TENT4A: variants seen among roughly 807,000 people sequenced by gnomAD.
TENT4A encodes terminal nucleotidyltransferase 4A.
In TENT4A, 7 loss-of-function variants were observed where a neutral mutation model predicts 72.8. The observed-to-expected ratio is 0.10, with a 90% CI of 0.05 to 0.18. TENT4A has a LOEUF of 0.18. Among genes scored for constraint, TENT4A ranks in the 10% least tolerant of loss-of-function variants. The pLI, the probability that TENT4A is intolerant of heterozygous loss-of-function variation, is 1.00. For missense variants in TENT4A, 831 were observed against 1,017.7 expected, an observed-to-expected ratio of 0.82 and a Z score of 2.50; for synonymous variants, 456 against 434.3, an observed-to-expected ratio of 1.05 and a Z score of -0.62.
intron 1 of TENT4A, among the ~76,000 whole-genome samples, chr5:6,726,160 T>C (rs1465091258): frequency 6.6e-6 from 1 of 152,196 alleles, no homozygotes; most frequent in Non-Finnish European, 1.5e-5. Flanking sequence ...GGCCAGGCCC[T>C]GTGCTAAGCA....
chr5:6,752,761 A>G (rs887707077), intron 11 of TENT4A, 112 bp from the exon 12 acceptor site: 2 of 832,786 alleles, frequency 2.4e-6, no homozygotes, highest in African/African-American at 3.4e-5. Flanking sequence ...TATGGAGCCC[A>G]CATGCAACTG....
intron 6 of TENT4A, among the ~76,000 whole-genome samples, chr5:6,744,747 C>CA (rs1741994250): frequency 1.3e-5 from 2 of 152,232 alleles, no homozygotes; most frequent in African/African-American, 4.8e-5. Context: ...GTCCTGTCTT[C>CA]ACTTTCCCCT....
chr5:6,714,861 C>T lies in TENT4A; in HGVS notation c.716+162C>T, dbSNP rs751442126. ...CACTGAAAGTTTTTTTTTTAAACAT[C>T]AGACTCATTTATCGTGGAGTGACTT... On this transcript the variant is annotated intron_variant, in intron 1 of 12. Transcript: ENST00000230859. The T allele has an allele frequency of 7.7e-5, 24 of 309,912 alleles. No homozygotes were observed. The South Asian group carries it at 7.9e-4, about 10-fold the overall frequency. The allele number at this position is 309,912 out of a possible 1,614,324, so 19.2% of individuals were successfully genotyped here.
chr5:6,744,310 A>T (rs1469658175), intron 6 of TENT4A, among the ~76,000 whole-genome samples: 1 of 152,266 alleles, frequency 6.6e-6, no homozygotes, highest in Admixed American at 6.5e-5. Context: ...TTGCTGAGTA[A>T]CATGGAAAAT....
rs530961105 is a variant in TENT4A, at chr5:6,715,365, C to G, written c.716+666C>G. On this transcript the variant is annotated intron_variant, in intron 1 of 12. Coordinates refer to ENST00000230859, the MANE Select transcript of TENT4A (RefSeq NM_006999.6). ...ATCCGCCTAGAGGGAATTAGAGGCTCTACTTAAATTTAGTGCACTTACAGA... is the reference window on the plus strand; with the variant it reads ...ATCCGCCTAGAGGGAATTAGAGGCTGTACTTAAATTTAGTGCACTTACAGA... Among the ~76,000 whole-genome samples the G allele has an allele frequency of 3.3e-5, 5 of 152,312 alleles. 1 individual carries two copies. Among genetic ancestry groups the G allele is most frequent in the African/African-American group, 9.6e-5 (4 of 41,564 alleles).
rs762912019 is a variant in TENT4A at position 6,754,816 on chromosome 5, C to T, written c.2250C>T (p.Ser750=). 2.4e-5 allele frequency: 39 copies of T among 1,607,140 alleles called. No homozygotes were observed. Among genetic ancestry groups the T allele is most frequent in the Non-Finnish European group, 3.3e-5 (39 of 1,174,802 alleles). Residue 750 remains serine (S), a synonymous_variant, in exon 13 of 13, where the codon AGC becomes AGT. Transcript: ENST00000230859. ...SHGHTQGGGY[S]SVGSGGVRPP... Reference sequence around the variant, plus strand: ...GCCACACCCAAGGCGGCGGCTACAGCTCTGTGGGTAGCGGAGGTGTGCGGC... The same window carrying T: ...GCCACACCCAAGGCGGCGGCTACAGTTCTGTGGGTAGCGGAGGTGTGCGGC...
At chr5:6,743,300 C>T (rs560536033) in intron 5 of TENT4A, among the ~76,000 whole-genome samples, 1 of 152,294 alleles carries the variant, frequency 6.6e-6, no homozygotes, top group East Asian at 1.9e-4. Flanking sequence ...GCCAGGCTTT[C>T]CCTCCCTCCT....
chr5:6,727,430 A>G (rs954842722), intron 1 of TENT4A, among the ~76,000 whole-genome samples: 7 of 151,886 alleles, frequency 4.6e-5, no homozygotes, highest in Non-Finnish European at 1.0e-4. Context: ...TCCATCTTGA[A>G]TCTCCTCCAG....
Position 6,714,595 on chromosome 5 carries a change from C to T in TENT4A, c.612C>T (p.Ser204=), listed in dbSNP as rs1740263260. 3 of 1,198,452 alleles carry T rather than the reference C, an allele frequency of 2.5e-6. No individual in the cohort carries two copies. Among genetic ancestry groups the T allele is most frequent in the Non-Finnish European group, 2.1e-6 (2 of 966,326 alleles). The allele number at this position is 1,198,452 out of a possible 1,614,324, so 74.2% of individuals were successfully genotyped here. The change falls in exon 1 of 13, where the codon TCC becomes TCT. Residue 204 remains serine, a synonymous_variant. Transcript: ENST00000230859. The part of the protein sequence containing the change: ...ASTYGLNYLL[S]GSRAAALSGG... Reference sequence around the variant, plus strand: ...CCTACGGCCTCAACTACCTGCTGTCCGGCAGCCGCGCGGCCGCTCTCAGCG... The same window carrying T: ...CCTACGGCCTCAACTACCTGCTGTCTGGCAGCCGCGCGGCCGCTCTCAGCG...
intron 7 of TENT4A, among the ~76,000 whole-genome samples, chr5:6,746,876 C>G (rs1171732734): frequency 1.3e-5 from 2 of 152,166 alleles, no homozygotes; most frequent in African/African-American, 4.8e-5. Context: ...TGGCTTTTGA[C>G]TTAACGCTTA....
intron 1 of TENT4A, among the ~76,000 whole-genome samples, chr5:6,731,843 A>G (rs1290371925): frequency 6.6e-6 from 1 of 152,134 alleles, no homozygotes; most frequent in Non-Finnish European, 1.5e-5. Context: ...AGTCTAGGAG[A>G]ATGTCCTAGA....
At chr5:6,749,723 T>TATTC (rs375712888) in intron 9 of TENT4A, 66 bp downstream of exon 9, 2 of 1,027,076 alleles carry the variant, frequency 1.9e-6, no homozygotes, top group African/African-American at 1.6e-5. Context: ...GAAGTGTCTC[T>TATTC]ATTCCTTTGT....
intron 1 of TENT4A, among the ~76,000 whole-genome samples, chr5:6,730,184 C>G (rs1741137114): frequency 6.6e-6 from 1 of 152,000 alleles, no homozygotes; most frequent in Non-Finnish European, 1.5e-5. Flanking sequence ...GAAAGTGTTG[C>G]ACCCCCCAGC....
At chr5:6,745,845 C>T (rs909202612) in intron 6 of TENT4A, 30 of 339,344 alleles carry the variant, frequency 8.8e-5, no homozygotes, top group African/African-American at 5.5e-4. Flanking sequence ...TTCAGCATAA[C>T]GAAATTAGGA....
At chr5:6,727,580 A>T (rs532542163) in intron 1 of TENT4A, among the ~76,000 whole-genome samples, 1 of 152,010 alleles carries the variant, frequency 6.6e-6, no homozygotes, top group African/African-American at 2.4e-5. Context: ...CCTGCTGTCC[A>T]TTGTGCCAGA....
chr5:6,727,470 C>G (rs1740991308), intron 1 of TENT4A, among the ~76,000 whole-genome samples: 1 of 152,232 alleles, frequency 6.6e-6, no homozygotes, highest in South Asian at 2.1e-4. Context: ...GTAGCTGGCC[C>G]ATGGAGACGG....
At chr5:6,737,762 G>GCACACTTGGAGAAC in intron 2 of TENT4A, 129 bp downstream of exon 2, 1 of 1,079,916 alleles carries the variant, frequency 9.3e-7, no homozygotes, top group Non-Finnish European at 1.3e-6. Flanking sequence ...AGTTCTCCAA[G>GCACACTTGGAGAAC]TGTGCTTTGA....
Position 6,749,829 on chromosome 5 carries a change from A to G in TENT4A, c.1687+172A>G, listed in dbSNP as rs28381407. ...AGAGCAGCACTGTCCAGTAGAAGCA[A>G]TATAATGCATGCCACACATAGAATT... On this transcript the variant is annotated intron_variant, in intron 9 of 12. Coordinates refer to ENST00000230859, the MANE Select transcript of TENT4A (RefSeq NM_006999.6). 5.0e-3 allele frequency among the ~76,000 whole-genome samples: 760 copies of G among 152,352 alleles called. 4 individuals carry two copies. Among genetic ancestry groups the G allele is most frequent in the African/African-American group, 0.018 (732 of 41,578 alleles).
intron 7 of TENT4A, 30 bp from the exon 8 acceptor site, chr5:6,748,434 G>T (rs770941116): frequency 3.7e-6 from 6 of 1,611,884 alleles, no homozygotes; most frequent in Non-Finnish European, 5.1e-6. Context: ...GTGCATGTGG[G>T]GAGGGTCTGA....
Sources: gnomAD v4.1 joint callset for allele counts (sites outside exome capture counted in the v4.1 genomes callset) on GRCh38, gnomAD v4.1.1 for gene constraint, MANE v1.5 for transcripts, NCBI Gene and HGNC (gene_info 2026-07-23, HGNC 2026-07-21) for gene names.